SMIM14: variants seen among roughly 807,000 people sequenced by gnomAD.
SMIM14 encodes small integral membrane protein 14, also known as chromosome 4 open reading frame 34.
In SMIM14, 5 loss-of-function variants were observed where a neutral mutation model predicts 12.6. The ratio of observed to expected loss-of-function variants is 0.40; its 90% CI spans 0.21 to 0.83. The LOEUF is 0.83. Among genes scored for constraint, SMIM14 ranks in the 40% least tolerant of loss-of-function variants. SMIM14 has a pLI of 0.37. For synonymous variants in SMIM14, 30 were observed against 40.1 expected, an observed-to-expected ratio of 0.75 and a Z score of 0.95; for missense variants, 86 against 119.1, an observed-to-expected ratio of 0.72 and a Z score of 1.29.
chr4:39,560,496 T>C lies in SMIM14; in HGVS notation c.125-3926A>G, dbSNP rs560896634. On this transcript the variant is annotated intron_variant, in intron 3 of 4. Transcript: ENST00000295958. ...GCCAACATCAATAGTTCTTAAACTATGGTATATATCAGAGTCAACTGAAAA... is the reference window on the plus strand; with the variant it reads ...GCCAACATCAATAGTTCTTAAACTACGGTATATATCAGAGTCAACTGAAAA... 3.3e-5 allele frequency among the ~76,000 whole-genome samples: 5 copies of C among 152,104 alleles called. No homozygotes were observed. In the South Asian group the frequency reaches 6.2e-4, roughly 19 times the overall value.
At position 39,549,826 on chromosome 4, in the gene SMIM14, A is replaced by G. The variant is rs1198414964; in HGVS notation, c.*2300T>C. The G allele has an allele frequency of 6.6e-6, 1 of 152,248 alleles. No homozygotes were observed. The highest frequency in any genetic ancestry group is 2.4e-5 in the African/African-American group (1 of 41,464). 9.4% of individuals were successfully genotyped at this position (152,248 alleles called of 1,614,324 possible). A position where few individuals can be genotyped will look rare whatever the true frequency, so the allele number is the denominator to read the frequency against. On this transcript the variant is annotated 3_prime_UTR_variant, in exon 5 of 5. Transcript: ENST00000295958. ...GCTTCCAGTAGGCCACAGCAAGAGGAAAAACCTTTATTCTGTGGGGCTCAT... is the reference window on the plus strand; with the variant it reads ...GCTTCCAGTAGGCCACAGCAAGAGGGAAAACCTTTATTCTGTGGGGCTCAT...
chr4:39,563,429 A>G (rs1578314477), intron 3 of SMIM14, among the ~76,000 whole-genome samples: 1 of 152,308 alleles, frequency 6.6e-6, no homozygotes, highest in African/African-American at 2.4e-5. Context: ...GACAGTATCA[A>G]CACCACAGAT....
intron 2 of SMIM14, chr4:39,594,615 C>G (rs1192123335): frequency 6.3e-4 from 93 of 148,372 alleles, no homozygotes; most frequent in Middle Eastern, 3.4e-3. Flanking sequence ...AGTGAACAGG[C>G]AACCTACAAA....
At chr4:39,603,447 C>T (rs191519905) in intron 2 of SMIM14, among the ~76,000 whole-genome samples, 227 of 151,548 alleles carry the variant, frequency 1.5e-3, no homozygotes, top group African/African-American at 5.3e-3. Context: ...TAGTCCCAGC[C>T]ACTTGGGAGG....
chr4:39,637,948 C>T (rs1342158381), intron 1 of SMIM14, among the ~76,000 whole-genome samples: 1 of 152,222 alleles, frequency 6.6e-6, no homozygotes, highest in Non-Finnish European at 1.5e-5. Context: ...AAAAGTAACA[C>T]ATTCTATTAA....
intron 2 of SMIM14, among the ~76,000 whole-genome samples, chr4:39,580,727 A>T (rs1419865278): frequency 6.6e-6 from 1 of 151,652 alleles, no homozygotes; most frequent in African/African-American, 2.4e-5. Context: ...GGGTTTCACC[A>T]TGTTGGTCAG....
At chr4:39,606,027 C>T (rs1453144492) in intron 1 of SMIM14, among the ~76,000 whole-genome samples, 7 of 152,084 alleles carry the variant, frequency 4.6e-5, no homozygotes, top group Non-Finnish European at 8.8e-5. Flanking sequence ...TGTGAGCCAC[C>T]GTGCCCGGCC....
chr4:39,574,990 G>A (rs1276437832), intron 2 of SMIM14, among the ~76,000 whole-genome samples: 1 of 151,276 alleles, frequency 6.6e-6, no homozygotes, highest in East Asian at 1.9e-4. Flanking sequence ...AGAAAAATTA[G>A]CCAGGCCTGG....
rs1436675514 is a variant in SMIM14, at chr4:39,597,084, C to CTTTT, written c.75+7986_75+7987insAAAA. On this transcript the variant is annotated intron_variant, in intron 2 of 4. Coordinates refer to ENST00000295958, the MANE Select transcript of SMIM14 (RefSeq NM_174921.3). ...AGCCACGGTGCCCGGCCCAGGTTTC[C>CTTTT]CTTTTTTTTTTTTTTTTTTTTTAGC... 9.0e-5 allele frequency among the ~76,000 whole-genome samples: 12 copies of CTTTT among 133,258 alleles called. 2 individuals carry two copies. The highest frequency in any genetic ancestry group is 2.8e-4 in the African/African-American group (10 of 35,348). The allele number at this position is 133,258 out of a possible 152,430, so 87.4% of individuals were successfully genotyped here. A position where few individuals can be genotyped will look rare whatever the true frequency, so the allele number is the denominator to read the frequency against.
At chr4:39,554,174 G>A (rs1256669306) in intron 4 of SMIM14, among the ~76,000 whole-genome samples, 1 of 152,104 alleles carries the variant, frequency 6.6e-6, no homozygotes, top group Non-Finnish European at 1.5e-5. Context: ...GGGATAATTT[G>A]GTATACAAGT....
intron 1 of SMIM14, among the ~76,000 whole-genome samples, chr4:39,637,132 T>C (rs1373671111): frequency 6.6e-6 from 1 of 152,204 alleles, no homozygotes; most frequent in African/African-American, 2.4e-5. Flanking sequence ...TTGTATAAAA[T>C]ATATAAATGC....
At chr4:39,552,265 A>G (rs1711757096) in intron 4 of SMIM14, 107 bp from the exon 5 acceptor site, 1 of 839,228 alleles carries the variant, frequency 1.2e-6, no homozygotes, top group African/African-American at 1.7e-5. Context: ...CAGTGCAACC[A>G]ATCTAACACA....
chr4:39,588,548 T>C (rs1370281913), intron 2 of SMIM14, among the ~76,000 whole-genome samples: 5 of 152,146 alleles, frequency 3.3e-5, no homozygotes, highest in African/African-American at 9.7e-5. Flanking sequence ...TCCACTGAAA[T>C]TTCCTTATTG....
chr4:39,603,002 C>A (rs1714673560), intron 2 of SMIM14, among the ~76,000 whole-genome samples: 1 of 152,008 alleles, frequency 6.6e-6, no homozygotes, highest in South Asian at 2.1e-4. Flanking sequence ...TAATCTGAAA[C>A]CCAAAATGCT....
Position 39,595,432 on chromosome 4 carries a change from T to A in SMIM14, c.75+9639A>T, listed in dbSNP as rs1342031883. Among the ~76,000 whole-genome samples the A allele has an allele frequency of 3.4e-5, 5 of 145,826 alleles. No individual in the cohort carries two copies. The South Asian group carries it at 6.8e-4, about 20-fold the overall frequency. ...GGTGGGGGGAGGGGGGAGGGATAGC[T>A]TTAGGAGATATACCTAATGCTAAAT... On this transcript the variant is annotated intron_variant, in intron 2 of 4. Coordinates refer to ENST00000295958, the MANE Select transcript of SMIM14 (RefSeq NM_174921.3).
intron 4 of SMIM14, among the ~76,000 whole-genome samples, chr4:39,552,586 C>T (rs1244611512): frequency 6.6e-6 from 1 of 152,192 alleles, no homozygotes; most frequent in Non-Finnish European, 1.5e-5. Context: ...TTTCTCAATA[C>T]TGAATGTCTA....
At position 39,550,695 on chromosome 4, in the gene SMIM14, C is replaced by T. The variant is rs1711642035; in HGVS notation, c.*1431G>A. 6.6e-6 allele frequency: 1 copy of T among 151,982 alleles called. No homozygotes were observed. The highest frequency in any genetic ancestry group is 2.4e-5 in the African/African-American group (1 of 41,418). The allele number at this position is 151,982 out of a possible 1,614,324, so 9.4% of individuals were successfully genotyped here. A position where few individuals can be genotyped will look rare whatever the true frequency, so the allele number is the denominator to read the frequency against. ...AATTTCTCTCATATTAACATTCCTT[C>T]CTACCCCAATCCATCCCATCACCAA... On this transcript the variant is annotated 3_prime_UTR_variant, in exon 5 of 5. Transcript: ENST00000295958.
At chr4:39,614,169 G>T (rs1232672604) in intron 1 of SMIM14, among the ~76,000 whole-genome samples, 1 of 117,408 alleles carries the variant, frequency 8.5e-6, no homozygotes, top group Non-Finnish European at 1.7e-5. Flanking sequence ...TGGGCAACAA[G>T]AGCGAAACTC....
intron 1 of SMIM14, among the ~76,000 whole-genome samples, chr4:39,606,993 A>G (rs1039567941): frequency 6.3e-4 from 96 of 152,314 alleles, no homozygotes; most frequent in African/African-American, 2.3e-3. Context: ...TGAAGACATA[A>G]TAACAGTAGC....
Sources: gnomAD v4.1 joint callset for allele counts (sites outside exome capture counted in the v4.1 genomes callset) on GRCh38, gnomAD v4.1.1 for gene constraint, MANE v1.5 for transcripts, NCBI Gene and HGNC (gene_info 2026-07-23, HGNC 2026-07-21) for gene names.